The following EYA2 variants were observed in gnomAD, a reference collection of about 807,000 sequenced individuals.
EYA2 encodes the protein EYA transcriptional coactivator and phosphatase 2.
EYA2 carries 31 observed loss-of-function variants against 69.2 expected under a neutral mutation model. That is an observed-to-expected ratio of 0.45 (90% CI 0.34 to 0.60). EYA2 has a LOEUF of 0.60. Among genes scored for constraint, EYA2 ranks in the 20% least tolerant of loss-of-function variants. The probability of loss-of-function intolerance (pLI) is 0.02; values close to 1 mark genes in which losing one functional copy is unlikely to be tolerated. For missense variants in EYA2, 622 were observed against 701.2 expected (o/e 0.89, Z 1.28); for synonymous variants, 257 against 279.4 (o/e 0.92, Z 0.80).
At chr20:47,161,243 A>G (rs764783449) in intron 10 of EYA2, 25 of 525,978 alleles carry the variant, frequency 4.8e-5, no homozygotes, top group Non-Finnish European at 3.2e-5. Flanking sequence ...CATGGGGACA[A>G]TGGAGAGCTA....
chr20:47,094,600 A>C (rs142973089), intron 8 of EYA2, among the ~76,000 whole-genome samples: 13 of 152,360 alleles, frequency 8.5e-5, no homozygotes, highest in Admixed American at 2.6e-4. Flanking sequence ...AGAGTTTTAA[A>C]AGGTGGCCCA....
intron 1 of EYA2, among the ~76,000 whole-genome samples, chr20:46,918,526 C>T (rs967442482): frequency 2.0e-5 from 3 of 152,094 alleles, no homozygotes; most frequent in Admixed American, 1.3e-4. Context: ...AGAGTGGTCT[C>T]GAACTCCCGC....
At chr20:46,993,327 C>T (rs1981806515) in intron 2 of EYA2, among the ~76,000 whole-genome samples, 1 of 152,238 alleles carries the variant, frequency 6.6e-6, no homozygotes, top group Non-Finnish European at 1.5e-5. Context: ...CTCCCAAACT[C>T]ATCTCCGTCC....
chr20:47,175,494 T>C (rs1417984323), intron 12 of EYA2, among the ~76,000 whole-genome samples: 3 of 152,130 alleles, frequency 2.0e-5, no homozygotes, highest in African/African-American at 7.2e-5. Flanking sequence ...CATTGGTAGA[T>C]GGCTAATAGT....
intron 5 of EYA2, among the ~76,000 whole-genome samples, chr20:47,051,438 A>G (rs554693735): frequency 5.3e-4 from 80 of 152,338 alleles, no homozygotes; most frequent in African/African-American, 1.9e-3. Context: ...CAGATTGGAA[A>G]TGGGAGAAAA....
rs781290141 is a variant in EYA2 at position 47,074,225 on chromosome 20, C to T, written c.551C>T (p.Pro184Leu). The T allele has an allele frequency of 3.7e-6, 6 of 1,614,036 alleles. No individual in the cohort carries two copies. The highest frequency in any genetic ancestry group is 1.7e-5 in the Admixed American group (1 of 60,008). The change falls in exon 7 of 16, where the codon CCT (proline) becomes CTT (leucine). Residue 184 changes from proline to leucine, a missense_variant. Pro to Leu is a moderately conservative substitution (Grantham distance 98). Coordinates refer to ENST00000327619, the MANE Select transcript of EYA2 (RefSeq NM_005244.5). ...CAGTATTACGGCTCATCCTACAACC[C>T]TCCCTACGTCCCGGCCAGCAGCATC... is the stretch of plus-strand genomic sequence containing the variant. ...YPQYYGSSYN[P>L]PYVPASSICP...
At chr20:47,020,353 T>G (rs1420501255) in intron 5 of EYA2, among the ~76,000 whole-genome samples, 6 of 152,140 alleles carry the variant, frequency 3.9e-5, no homozygotes, top group Non-Finnish European at 8.8e-5. Context: ...CGTAAGGCCC[T>G]GGTTTGAGAT....
chr20:46,966,814 C>CA (rs35126216), intron 1 of EYA2, among the ~76,000 whole-genome samples: 32,496 of 123,674 alleles, frequency 0.26, 3,802 homozygotes, highest in Non-Finnish European at 0.34. Context: ...GACTCCATCT[C>CA]AAAAAAAAAA....
At chr20:47,073,499 G>T (rs564251532) in intron 6 of EYA2, among the ~76,000 whole-genome samples, 2 of 151,930 alleles carry the variant, frequency 1.3e-5, no homozygotes, top group Admixed American at 6.6e-5. Context: ...TGTCGTGGGG[G>T]GGGGGTGCAG....
chr20:46,925,451 C>A (rs1372635018), intron 1 of EYA2, among the ~76,000 whole-genome samples: 1 of 152,140 alleles, frequency 6.6e-6, no homozygotes, highest in East Asian at 1.9e-4. Context: ...AGGCTGGTTT[C>A]TCCGGCATAG....
At chr20:46,907,188 T>A (rs1485535126) in intron 1 of EYA2, among the ~76,000 whole-genome samples, 4 of 152,202 alleles carry the variant, frequency 2.6e-5, no homozygotes, top group Non-Finnish European at 5.9e-5. Flanking sequence ...AAATCATATC[T>A]TCCTACAGGG....
chr20:47,112,669 G>A (rs570919882), intron 9 of EYA2, among the ~76,000 whole-genome samples: 1 of 151,948 alleles, frequency 6.6e-6, no homozygotes, highest in Non-Finnish European at 1.5e-5. Flanking sequence ...ACTTAGGCAC[G>A]TTTGGGAGTT....
At chr20:47,109,843 G>A (rs1285738753) in intron 9 of EYA2, among the ~76,000 whole-genome samples, 2 of 152,128 alleles carry the variant, frequency 1.3e-5, no homozygotes, top group African/African-American at 4.8e-5. Context: ...TAGAAGCCAG[G>A]GATGCTGCTA....
At chr20:46,907,580 C>T (rs926325881) in intron 1 of EYA2, among the ~76,000 whole-genome samples, 3 of 152,174 alleles carry the variant, frequency 2.0e-5, no homozygotes, top group African/African-American at 2.4e-5. Context: ...GGCTCACACC[C>T]GTAACCCCAG....
chr20:47,013,714 C>T (rs1371898641), intron 4 of EYA2, among the ~76,000 whole-genome samples: 9 of 152,188 alleles, frequency 5.9e-5, no homozygotes, highest in Non-Finnish European at 1.5e-5. Flanking sequence ...GAGGGGTGGG[C>T]AGAGCCCATG....
chr20:47,063,119 G>T (rs1042638604), intron 5 of EYA2, among the ~76,000 whole-genome samples: 1 of 152,140 alleles, frequency 6.6e-6, no homozygotes, highest in Non-Finnish European at 1.5e-5. Context: ...ACTCTGTGGC[G>T]TTTAGTGCGT....
At chr20:46,917,850 C>G (rs1984984173) in intron 1 of EYA2, among the ~76,000 whole-genome samples, 1 of 152,212 alleles carries the variant, frequency 6.6e-6, no homozygotes, top group Non-Finnish European at 1.5e-5. Flanking sequence ...AGGCTGCTCA[C>G]TGATCAGGGC....
At chr20:47,123,434 G>A (rs990382283) in intron 9 of EYA2, among the ~76,000 whole-genome samples, 1 of 152,078 alleles carries the variant, frequency 6.6e-6, no homozygotes, top group Non-Finnish European at 1.5e-5. Flanking sequence ...GGCTTTCACT[G>A]ATGCTATTTC....
At chr20:47,161,220 A>G in intron 10 of EYA2, 1 of 487,502 alleles carries the variant, frequency 2.1e-6, no homozygotes, top group African/African-American at 2.0e-5. Flanking sequence ...TTGCTCCCCC[A>G]GTAGCCTCTG....
Sources: allele counts gnomAD v4.1 joint callset (sites outside exome capture counted in the v4.1 genomes callset), GRCh38; gene constraint gnomAD v4.1.1; transcripts MANE v1.5; gene names NCBI Gene and HGNC (gene_info 2026-07-23, HGNC 2026-07-21).